Variants in KIAA1328 observed in about 807,000 individuals in gnomAD.
KIAA1328 encodes KIAA1328.
A neutral mutation model predicts 68.1 loss-of-function variants in KIAA1328; 52 were observed. The ratio of observed to expected loss-of-function variants is 0.76; its 90% confidence interval spans 0.61 to 0.96. The LOEUF (loss-of-function observed/expected upper bound fraction) is 0.96, where lower values mean the gene tolerates loss of function less well. KIAA1328 is among the 40% of genes least tolerant of loss of function. KIAA1328 has a pLI of 0.00. For missense variants in KIAA1328, 641 were observed against 677.6 expected (o/e 0.95, Z 0.60); for synonymous variants, 232 against 239.4 (o/e 0.97, Z 0.28).
chr18:37,162,668 CCTT>C (rs1316458403), intron 8 of KIAA1328, among the ~76,000 whole-genome samples: 4 of 152,100 alleles, frequency 2.6e-5, no homozygotes, highest in Non-Finnish European at 4.4e-5. Context: ...TGGTTCATCA[CCTT>C]CTTAATTGCT....
chr18:37,005,408 A>G (rs964895596), intron 6 of KIAA1328, among the ~76,000 whole-genome samples: 1 of 145,758 alleles, frequency 6.9e-6, no homozygotes, highest in African/African-American at 2.5e-5. Context: ...ATACCATCTT[A>G]CCTTAGTCAG....
chr18:37,185,370 A>G (rs1453850518), intron 9 of KIAA1328, among the ~76,000 whole-genome samples: 2 of 152,120 alleles, frequency 1.3e-5, no homozygotes, highest in East Asian at 1.9e-4. Context: ...TGTCTGGAAA[A>G]CATCAAATCT....
intron 4 of KIAA1328, among the ~76,000 whole-genome samples, chr18:36,883,552 T>G (rs1232169323): frequency 6.6e-6 from 1 of 152,214 alleles, no homozygotes; most frequent in African/African-American, 2.4e-5. Context: ...ACTCACTGTT[T>G]GCTTATTCCA....
At chr18:36,917,764 T>A (rs1023601457) in intron 5 of KIAA1328, among the ~76,000 whole-genome samples, 5 of 152,174 alleles carry the variant, frequency 3.3e-5, no homozygotes, top group Admixed American at 3.3e-4. Context: ...GACATTGTCA[T>A]CCTTAACTCT....
chr18:37,129,845 G>A (rs566149699), intron 7 of KIAA1328, among the ~76,000 whole-genome samples: 4 of 152,276 alleles, frequency 2.6e-5, no homozygotes, highest in Admixed American at 2.6e-4. Context: ...GAAGGCCAGA[G>A]GTGAAGTCTG....
chr18:37,095,342 A>G (rs2057374794), intron 7 of KIAA1328, among the ~76,000 whole-genome samples: 1 of 152,158 alleles, frequency 6.6e-6, no homozygotes, highest in Admixed American at 6.5e-5. Context: ...CACAAAACAA[A>G]TCTCAGCATC....
chr18:37,175,496 C>T (rs771136163), intron 9 of KIAA1328, among the ~76,000 whole-genome samples: 13 of 152,112 alleles, frequency 8.5e-5, no homozygotes, highest in East Asian at 3.9e-4. Flanking sequence ...TCCTATGTAA[C>T]GAGCATTTGG....
chr18:37,114,336 G>C (rs1370048829), intron 7 of KIAA1328, among the ~76,000 whole-genome samples: 1 of 152,174 alleles, frequency 6.6e-6, no homozygotes, highest in African/African-American at 2.4e-5. Context: ...AATCAAACTA[G>C]AACTCAGGAT....
chr18:37,098,986 T>C (rs553167883), intron 7 of KIAA1328, among the ~76,000 whole-genome samples: 4 of 152,298 alleles, frequency 2.6e-5, no homozygotes, highest in East Asian at 1.9e-4. Context: ...TTAGTCTTGC[T>C]TGTGGTCTTT....
At chr18:36,955,177 G>C (rs551384794) in intron 5 of KIAA1328, among the ~76,000 whole-genome samples, 1 of 151,278 alleles carries the variant, frequency 6.6e-6, no homozygotes, top group East Asian at 2.0e-4. Flanking sequence ...CATCACCCAG[G>C]CTAGAGTGCA....
At chr18:37,116,619 A>G (rs1027426082) in intron 7 of KIAA1328, among the ~76,000 whole-genome samples, 1 of 152,266 alleles carries the variant, frequency 6.6e-6, no homozygotes, top group Non-Finnish European at 1.5e-5. Context: ...TTTATGACTA[A>G]AACACCAAAA....
chr18:37,018,292 C>T (rs1490523666), intron 6 of KIAA1328, among the ~76,000 whole-genome samples: 1 of 152,118 alleles, frequency 6.6e-6, no homozygotes, highest in African/African-American at 2.4e-5. Context: ...AAATAGGCTC[C>T]CAATCTCTCC....
chr18:37,110,495 G>A (rs572323005), intron 7 of KIAA1328, among the ~76,000 whole-genome samples: 49 of 152,234 alleles, frequency 3.2e-4, no homozygotes, highest in African/African-American at 9.6e-4. Context: ...CCTCTGAAAG[G>A]ATATAAAATT....
intron 7 of KIAA1328, among the ~76,000 whole-genome samples, chr18:37,156,930 A>T (rs1372941348): frequency 3.3e-5 from 5 of 152,230 alleles, no homozygotes; most frequent in Non-Finnish European, 7.3e-5. Context: ...CCAAGAAAGT[A>T]CTAAGAGGGA....
intron 6 of KIAA1328, among the ~76,000 whole-genome samples, chr18:37,020,427 C>T (rs755966671): frequency 5.9e-5 from 9 of 152,158 alleles, no homozygotes; most frequent in African/African-American, 9.7e-5. Flanking sequence ...CCAGCCGAAA[C>T]GTAAGTATTT....
At chr18:36,869,339 T>A (rs1434805651) in intron 4 of KIAA1328, among the ~76,000 whole-genome samples, 1 of 152,158 alleles carries the variant, frequency 6.6e-6, no homozygotes, top group Non-Finnish European at 1.5e-5. Context: ...AGACCCTACC[T>A]CCTAAAAGAA....
At chr18:36,994,475 C>A (rs1323039362) in intron 6 of KIAA1328, among the ~76,000 whole-genome samples, 2 of 152,156 alleles carry the variant, frequency 1.3e-5, no homozygotes, top group Admixed American at 6.5e-5. Flanking sequence ...ATACTCCCTC[C>A]CTCGGTGATC....
At chr18:37,111,595 G>C in intron 7 of KIAA1328, among the ~76,000 whole-genome samples, 1 of 152,228 alleles carries the variant, frequency 6.6e-6, no homozygotes, top group Non-Finnish European at 1.5e-5. Context: ...CCAGTCTACA[G>C]CTCCCAGTGT....
At chr18:37,126,779 A>G (rs1373433378) in intron 7 of KIAA1328, among the ~76,000 whole-genome samples, 1 of 152,204 alleles carries the variant, frequency 6.6e-6, no homozygotes, top group Non-Finnish European at 1.5e-5. Flanking sequence ...AAGAATACAA[A>G]GTTAACTTAC....
Sources: gnomAD v4.1 joint callset for allele counts (sites outside exome capture counted in the v4.1 genomes callset) on GRCh38, gnomAD v4.1.1 for gene constraint, MANE v1.5 for transcripts, NCBI Gene and HGNC (gene_info 2026-07-23, HGNC 2026-07-21) for gene names.